Variants in RIMS2 observed in about 807,000 individuals in gnomAD.
RIMS2 encodes regulating synaptic membrane exocytosis 2.
In RIMS2, 59 loss-of-function variants were observed where a neutral mutation model predicts 174.4. The observed-to-expected ratio is 0.34, with a 90% CI of 0.27 to 0.42. The LOEUF is 0.42. RIMS2 is among the 10% of genes least tolerant of loss of function. The probability of loss-of-function intolerance (pLI) is 1.00; values close to 1 mark genes in which losing one functional copy is unlikely to be tolerated. For missense variants in RIMS2, 1,620 were observed against 1,666.3 expected, an observed-to-expected ratio of 0.97 and a Z score of 0.48; for synonymous variants, 606 against 572.5, an observed-to-expected ratio of 1.06 and a Z score of -0.84.
At chr8:103,610,876 G>C (rs957105742) in intron 1 of RIMS2, among the ~76,000 whole-genome samples, 1 of 152,036 alleles carries the variant, frequency 6.6e-6, no homozygotes, top group African/African-American at 2.4e-5. Context: ...CACAATTTTC[G>C]GGAATAGTTT....
At chr8:103,908,567 T>G (rs2075002820) in intron 4 of RIMS2, among the ~76,000 whole-genome samples, 2 of 152,198 alleles carry the variant, frequency 1.3e-5, no homozygotes, top group South Asian at 4.1e-4. Flanking sequence ...CTTCCTCCAG[T>G]CGTCTCCATC....
chr8:103,847,384 A>G (rs2098973538), intron 3 of RIMS2, among the ~76,000 whole-genome samples: 1 of 152,100 alleles, frequency 6.6e-6, no homozygotes, highest in African/African-American at 2.4e-5. Context: ...TCTTAGCTAC[A>G]TGTTTAATGG....
intron 19 of RIMS2, among the ~76,000 whole-genome samples, chr8:104,053,367 C>A (rs763209850): frequency 7.2e-5 from 11 of 152,112 alleles, no homozygotes; most frequent in Non-Finnish European, 1.5e-4. Flanking sequence ...ATTCTAGCTG[C>A]AATAGGTCCC....
chr8:103,626,385 A>C (rs369251933), intron 1 of RIMS2, among the ~76,000 whole-genome samples: 1 of 152,226 alleles, frequency 6.6e-6, no homozygotes, highest in South Asian at 2.1e-4. Context: ...AAGAAGCAAT[A>C]TACTAGCAGC....
At chr8:104,024,109 A>G (rs540622942) in intron 19 of RIMS2, among the ~76,000 whole-genome samples, 5 of 152,294 alleles carry the variant, frequency 3.3e-5, no homozygotes, top group African/African-American at 1.2e-4. Context: ...TGTAAAGGGA[A>G]GAAAAGAAAA....
At chr8:104,185,523 T>C (rs191014456) in intron 19 of RIMS2, among the ~76,000 whole-genome samples, 10 of 151,574 alleles carry the variant, frequency 6.6e-5, no homozygotes, top group Admixed American at 3.3e-4. Context: ...GCTATGTAGA[T>C]AGAAATTAAA....
At chr8:104,002,989 A>T (rs916611577) in intron 17 of RIMS2, among the ~76,000 whole-genome samples, 2 of 152,208 alleles carry the variant, frequency 1.3e-5, no homozygotes, top group Admixed American at 6.5e-5. Flanking sequence ...TTGAACAAAC[A>T]TGTTTAGGAT....
chr8:103,725,246 G>A (rs537190212), intron 2 of RIMS2, among the ~76,000 whole-genome samples: 2 of 151,904 alleles, frequency 1.3e-5, no homozygotes, highest in East Asian at 1.9e-4. Flanking sequence ...AGTGTAACTT[G>A]TACATAATAA....
intron 19 of RIMS2, chr8:104,094,643 A>T (rs2097724204): frequency 1.4e-6 from 1 of 702,230 alleles, no homozygotes; most frequent in Non-Finnish European, 2.6e-6. Flanking sequence ...ACGAGGAAAA[A>T]ACACAAGATA....
intron 14 of RIMS2, among the ~76,000 whole-genome samples, chr8:103,955,762 A>C (rs2086963307): frequency 6.6e-6 from 1 of 152,206 alleles, no homozygotes; most frequent in African/African-American, 2.4e-5. Flanking sequence ...GCAATCAGGC[A>C]AGAGAAAGAA....
intron 1 of RIMS2, among the ~76,000 whole-genome samples, chr8:103,612,772 A>G (rs939216374): frequency 1.1e-4 from 16 of 152,084 alleles, no homozygotes; most frequent in African/African-American, 3.9e-4. Flanking sequence ...GGGTTTCACA[A>G]TGTTGGCCAG....
At chr8:103,815,458 T>C (rs2098712889) in intron 3 of RIMS2, among the ~76,000 whole-genome samples, 1 of 152,200 alleles carries the variant, frequency 6.6e-6, no homozygotes, top group African/African-American at 2.4e-5. Flanking sequence ...AGAACTCTTA[T>C]TATCACTGTC....
chr8:104,102,618 C>T (rs1371843957), intron 19 of RIMS2, among the ~76,000 whole-genome samples: 1 of 152,158 alleles, frequency 6.6e-6, no homozygotes, highest in Non-Finnish European at 1.5e-5. Context: ...TTAATTGACT[C>T]ATAGTTCCAC....
At chr8:104,061,981 G>A (rs931035776) in intron 19 of RIMS2, among the ~76,000 whole-genome samples, 6 of 152,012 alleles carry the variant, frequency 3.9e-5, no homozygotes, top group Non-Finnish European at 7.4e-5. Flanking sequence ...ATGTTCAAAT[G>A]TGGTCAAAAA....
intron 2 of RIMS2, among the ~76,000 whole-genome samples, chr8:103,739,167 G>A (rs35370013): frequency 0.12 from 17,514 of 151,936 alleles, 1,292 homozygotes; most frequent in Non-Finnish European, 0.17. Flanking sequence ...AAGAAAATGT[G>A]GCACATATAC....
intron 1 of RIMS2, among the ~76,000 whole-genome samples, chr8:103,602,768 C>A (rs2094823423): frequency 6.6e-6 from 1 of 152,112 alleles, no homozygotes. Flanking sequence ...TGACCATACA[C>A]AAGTATGTCT....
intron 19 of RIMS2, among the ~76,000 whole-genome samples, chr8:104,112,518 T>C (rs1362825991): frequency 6.6e-6 from 1 of 152,106 alleles, no homozygotes; most frequent in African/African-American, 2.4e-5. Flanking sequence ...AACCGTAAAC[T>C]TGAGAGACTG....
At chr8:103,583,805 A>T (rs1311035101) in intron 1 of RIMS2, among the ~76,000 whole-genome samples, 1 of 152,218 alleles carries the variant, frequency 6.6e-6, no homozygotes, top group African/African-American at 2.4e-5. Flanking sequence ...GGCAAGTGTA[A>T]GTGTTATTGT....
chr8:104,050,852 CAT>C (rs1181846755), intron 19 of RIMS2, among the ~76,000 whole-genome samples: 1 of 152,076 alleles, frequency 6.6e-6, no homozygotes, highest in Non-Finnish European at 1.5e-5. Flanking sequence ...TTCATTAGAA[CAT>C]AGTGAATTTA....
Sources: gnomAD v4.1 joint callset for allele counts (sites outside exome capture counted in the v4.1 genomes callset) on GRCh38, gnomAD v4.1.1 for gene constraint, MANE v1.5 for transcripts, NCBI Gene and HGNC (gene_info 2026-07-23, HGNC 2026-07-21) for gene names.